Variants in SUGCT observed in about 807,000 individuals in gnomAD.
The protein encoded by SUGCT is succinyl-CoA:glutarate-CoA transferase.
In SUGCT, 41 loss-of-function variants were observed where a neutral mutation model predicts 55.0. The observed-to-expected ratio is 0.74, with a 90% CI of 0.58 to 0.97. The LOEUF (loss-of-function observed/expected upper bound fraction) is 0.97, where lower values mean the gene tolerates loss of function less well. Ranked by LOEUF, SUGCT falls within the 50% of genes least tolerant of loss-of-function variation. The probability of loss-of-function intolerance (pLI) is 0.00; values close to 1 mark genes in which losing one functional copy is unlikely to be tolerated. For missense variants in SUGCT, 568 were observed against 547.8 expected (o/e 1.04, Z -0.37); for synonymous variants, 187 against 200.4 (o/e 0.93, Z 0.56).
chr7:41,034,406 A>G, the SUGCT span, among the ~76,000 whole-genome samples: 142 of 152,296 alleles, frequency 9.3e-4, 1 homozygote, highest in African/African-American at 3.2e-3. Flanking sequence ...TGGGTCAAAC[A>G]ATCAAGTGTT....
At chr7:40,840,473 C>CAAAAA (rs200374763) in intron 13 of SUGCT, among the ~76,000 whole-genome samples, 1 of 124,934 alleles carries the variant, frequency 8.0e-6, no homozygotes, top group Non-Finnish European at 1.7e-5. Flanking sequence ...GAGGAAGACT[C>CAAAAA]AAAAAAAAAA....
At chr7:40,253,066 G>C (rs1463856510) in intron 7 of SUGCT, among the ~76,000 whole-genome samples, 2 of 152,204 alleles carry the variant, frequency 1.3e-5, no homozygotes. Flanking sequence ...GGGGTTTGGA[G>C]TTACATAGCA....
At chr7:40,821,860 G>C (rs1328289641) in intron 13 of SUGCT, among the ~76,000 whole-genome samples, 1 of 152,054 alleles carries the variant, frequency 6.6e-6, no homozygotes, top group Non-Finnish European at 1.5e-5. Context: ...TGATGTTAGG[G>C]TGTCAATTTT....
the SUGCT span, among the ~76,000 whole-genome samples, chr7:40,958,060 G>A: frequency 1.3e-5 from 2 of 152,076 alleles, no homozygotes; most frequent in Non-Finnish European, 2.9e-5. Flanking sequence ...CCCTTTGTGG[G>A]TAACTCAATC....
chr7:40,337,636 G>A (rs923316760), intron 9 of SUGCT, among the ~76,000 whole-genome samples: 2 of 152,104 alleles, frequency 1.3e-5, no homozygotes, highest in Admixed American at 6.5e-5. Flanking sequence ...TTGAGTCTAT[G>A]TGTGTCTCTG....
At chr7:40,755,732 G>T (rs1167773761) in intron 13 of SUGCT, among the ~76,000 whole-genome samples, 2 of 152,166 alleles carry the variant, frequency 1.3e-5, no homozygotes, top group African/African-American at 4.8e-5. Flanking sequence ...CTGTGAATGT[G>T]CATTGCAGTC....
chr7:40,175,946 G>A (rs1227856569), intron 1 of SUGCT, among the ~76,000 whole-genome samples: 1 of 152,014 alleles, frequency 6.6e-6, no homozygotes, highest in Admixed American at 6.6e-5. Context: ...TTAGTGAGTA[G>A]GCTGGGCGTG....
At chr7:40,784,871 G>T (rs902883006) in intron 13 of SUGCT, among the ~76,000 whole-genome samples, 1 of 152,052 alleles carries the variant, frequency 6.6e-6, no homozygotes, top group Non-Finnish European at 1.5e-5. Flanking sequence ...TTTACCTACT[G>T]TCTAAAATTA....
At chr7:41,017,134 C>A in the SUGCT span, among the ~76,000 whole-genome samples, 45 of 152,184 alleles carry the variant, frequency 3.0e-4, 1 homozygote, top group East Asian at 1.9e-4. Flanking sequence ...TGTTCTTCAA[C>A]CTTTTTTTTT....
At chr7:40,887,377 AG>A in the SUGCT span, among the ~76,000 whole-genome samples, 1 of 152,210 alleles carries the variant, frequency 6.6e-6, no homozygotes, top group Non-Finnish European at 1.5e-5. Context: ...TAAGAGCAAG[AG>A]GTTGTGATGA....
chr7:41,002,841 G>A, the SUGCT span, among the ~76,000 whole-genome samples: 2 of 152,018 alleles, frequency 1.3e-5, no homozygotes, highest in African/African-American at 4.8e-5. Flanking sequence ...GAAAGGGCTG[G>A]GGCCTGTTGC....
At chr7:40,927,437 T>A in the SUGCT span, among the ~76,000 whole-genome samples, 1 of 152,148 alleles carries the variant, frequency 6.6e-6, no homozygotes, top group Non-Finnish European at 1.5e-5. Flanking sequence ...GTCTTTCCTG[T>A]GGAGGACATG....
At chr7:40,689,714 T>C (rs1214110144) in intron 12 of SUGCT, among the ~76,000 whole-genome samples, 4 of 141,056 alleles carry the variant, frequency 2.8e-5, no homozygotes, top group African/African-American at 5.4e-5. Flanking sequence ...CAAATTCTTG[T>C]AGCAGCCAAA....
At chr7:40,810,506 C>T (rs1258862241) in intron 13 of SUGCT, among the ~76,000 whole-genome samples, 1 of 152,162 alleles carries the variant, frequency 6.6e-6, no homozygotes, top group African/African-American at 2.4e-5. Flanking sequence ...TTGCCTTTCA[C>T]TGATGATTAG....
At chr7:40,263,822 A>T (rs992307316) in intron 7 of SUGCT, among the ~76,000 whole-genome samples, 1 of 152,146 alleles carries the variant, frequency 6.6e-6, no homozygotes, top group African/African-American at 2.4e-5. Flanking sequence ...AATGAAGATC[A>T]GAGAGAGTTT....
At chr7:40,446,542 G>A (rs1375263122) in intron 9 of SUGCT, among the ~76,000 whole-genome samples, 1 of 152,158 alleles carries the variant, frequency 6.6e-6, no homozygotes, top group African/African-American at 2.4e-5. Flanking sequence ...GAGAATGTTT[G>A]AAAGAGTTTA....
chr7:40,974,243 T>A, the SUGCT span, among the ~76,000 whole-genome samples: 2 of 152,198 alleles, frequency 1.3e-5, no homozygotes. Flanking sequence ...GCAGGAAGAA[T>A]CAGCCATTAT....
the SUGCT span, among the ~76,000 whole-genome samples, chr7:40,943,233 A>G: frequency 6.6e-6 from 1 of 151,106 alleles, no homozygotes; most frequent in Non-Finnish European, 1.5e-5. Context: ...GTTTATTTTT[A>G]AATTTCCTTC....
At position 40,252,216 on chromosome 7, in the gene SUGCT, C is replaced by T. The variant is rs113111514; in HGVS notation, c.576+14490C>T. ...GTGGCACAGTCACTGCAGCGTCGAGCTCCTGAGCTGAAGTGATCCTCCCAC... is the reference window on the plus strand; with the variant it reads ...GTGGCACAGTCACTGCAGCGTCGAGTTCCTGAGCTGAAGTGATCCTCCCAC... On this transcript the variant is annotated intron_variant, in intron 7 of 13. Transcript: ENST00000335693. 2.1e-3 allele frequency among the ~76,000 whole-genome samples: 325 copies of T among 152,240 alleles called. 1 individual carries two copies. The highest frequency in any genetic ancestry group is 7.1e-3 in the African/African-American group (293 of 41,544).
Sources: allele counts gnomAD v4.1 joint callset (sites outside exome capture counted in the v4.1 genomes callset), GRCh38; gene constraint gnomAD v4.1.1; transcripts MANE v1.5; gene names NCBI Gene and HGNC (gene_info 2026-07-23, HGNC 2026-07-21).